Variants in NRCAM observed in about 807,000 individuals in gnomAD.
NRCAM encodes neuronal cell adhesion molecule.
Under a neutral mutation model 156.5 loss-of-function variants are expected in NRCAM, and 83 were observed. That is an observed-to-expected ratio of 0.53 (90% CI 0.44 to 0.64). The LOEUF (loss-of-function observed/expected upper bound fraction) is 0.64. Ranked by LOEUF, NRCAM falls within the 30% of genes least tolerant of loss-of-function variation. The pLI is 0.00. For synonymous variants in NRCAM, 538 were observed against 563.9 expected (o/e 0.95, Z 0.65); for missense variants, 1,417 against 1,597.3 (o/e 0.89, Z 1.92).
chr7:108,450,838 C>A (rs1849463919), intron 1 of NRCAM, among the ~76,000 whole-genome samples: 1 of 152,166 alleles, frequency 6.6e-6, no homozygotes, highest in Non-Finnish European at 1.5e-5. Context: ...AAACCATATA[C>A]CTCCATATTA....
intron 10 of NRCAM, among the ~76,000 whole-genome samples, chr7:108,224,664 A>T (rs1471257033): frequency 6.6e-6 from 1 of 152,162 alleles, no homozygotes; most frequent in Non-Finnish European, 1.5e-5. Context: ...TGATGCTTAT[A>T]AAAATTTAAT....
At chr7:108,212,925 T>A (rs1305302847) in intron 11 of NRCAM, among the ~76,000 whole-genome samples, 1 of 152,166 alleles carries the variant, frequency 6.6e-6, no homozygotes, top group Non-Finnish European at 1.5e-5. Flanking sequence ...CTCAAAAAGA[T>A]GTCCAGGCAC....
chr7:108,358,915 A>T (rs959324365), intron 2 of NRCAM, among the ~76,000 whole-genome samples: 27 of 152,192 alleles, frequency 1.8e-4, no homozygotes. Context: ...GATTGCATGA[A>T]ATTGTTTAAG....
intron 1 of NRCAM, among the ~76,000 whole-genome samples, chr7:108,452,395 C>A (rs936309662): frequency 6.9e-6 from 1 of 145,928 alleles, no homozygotes; most frequent in Non-Finnish European, 1.5e-5. Context: ...TCAATTATAT[C>A]TCATTAATGC....
intron 29 of NRCAM, among the ~76,000 whole-genome samples, chr7:108,167,820 C>G (rs553269680): frequency 6.6e-6 from 1 of 152,270 alleles, no homozygotes; most frequent in Non-Finnish European, 1.5e-5. Context: ...AATGCTCTCC[C>G]AAAGTATTAA....
At chr7:108,266,509 G>A (rs1269656) in intron 3 of NRCAM, among the ~76,000 whole-genome samples, 67,127 of 152,038 alleles carry the variant, frequency 0.44, 17,177 homozygotes, top group East Asian at 0.86. Context: ...CACTGCACAC[G>A]CATGTGTGTT....
chr7:108,202,214 T>C (rs1261168184), intron 13 of NRCAM, among the ~76,000 whole-genome samples: 1 of 152,212 alleles, frequency 6.6e-6, no homozygotes, highest in Non-Finnish European at 1.5e-5. Flanking sequence ...ACTGGGGTGA[T>C]GGCCTTCAGA....
At position 108,410,524 on chromosome 7, in the gene NRCAM, C is replaced by T. The variant is rs79663034; in HGVS notation, c.-331-10931G>A. On this transcript the variant is annotated intron_variant, in intron 1 of 32. Transcript: ENST00000379028. ...TTCAAAAACAGTTCTGATGCTTGGGCCCCAATCCCAGGGATTTAATTGGTC... is the reference window on the plus strand; with the variant it reads ...TTCAAAAACAGTTCTGATGCTTGGGTCCCAATCCCAGGGATTTAATTGGTC... Among the ~76,000 whole-genome samples the T allele has an allele frequency of 5.5e-3, 841 of 152,258 alleles. 5 individuals carry two copies. The highest frequency in any genetic ancestry group is 0.011 in the Admixed American group (169 of 15,294).
chr7:108,368,823 T>C (rs12539964), intron 2 of NRCAM, among the ~76,000 whole-genome samples: 50,697 of 151,890 alleles, frequency 0.33, 9,005 homozygotes, highest in East Asian at 0.6. Flanking sequence ...ATAAAACTGG[T>C]GGCTTTACTT....
chr7:108,352,789 A>G (rs1202056141), intron 2 of NRCAM, among the ~76,000 whole-genome samples: 4 of 152,162 alleles, frequency 2.6e-5, no homozygotes, highest in Non-Finnish European at 5.9e-5. Flanking sequence ...TGTTTGAACC[A>G]TAAAGCTAAG....
Position 108,456,359 on chromosome 7 carries a change from T to TGCGCCGTCCCCC in NRCAM, c.-460_-449dup, listed in dbSNP as rs1181183032. ...CTGGCTGCTCCAGCCAGGCGGCCCCTGCGCCGTCCCCCGCGCCCGCGCGTC... is the reference window on the plus strand; with the variant it reads ...CTGGCTGCTCCAGCCAGGCGGCCCCTGCGCCGTCCCCCGCGCCGTCCCCCGCGCCCGCGCGTC... On this transcript the variant is annotated 5_prime_UTR_variant, in exon 1 of 33. Transcript: ENST00000379028. 6.6e-5 allele frequency: 10 copies of TGCGCCGTCCCCC among 150,830 alleles called. No homozygotes were observed. The highest frequency in any genetic ancestry group is 1.3e-4 in the Non-Finnish European group (9 of 67,706). The allele number at this position is 150,830 out of a possible 1,614,324, so 9.3% of individuals were successfully genotyped here.
chr7:108,300,473 G>A (rs1249076583), intron 3 of NRCAM, among the ~76,000 whole-genome samples: 2 of 152,052 alleles, frequency 1.3e-5, no homozygotes, highest in Non-Finnish European at 2.9e-5. Flanking sequence ...AAACAGAGAA[G>A]CAAAAGAGAA....
At chr7:108,451,762 G>A (rs1850669323) in intron 1 of NRCAM, among the ~76,000 whole-genome samples, 1 of 152,128 alleles carries the variant, frequency 6.6e-6, no homozygotes, top group Admixed American at 6.5e-5. Flanking sequence ...TCATAGACTG[G>A]AAGTAGGATG....
At chr7:108,392,220 G>A (rs1030879144) in intron 2 of NRCAM, among the ~76,000 whole-genome samples, 1 of 152,280 alleles carries the variant, frequency 6.6e-6, no homozygotes, top group African/African-American at 2.4e-5. Context: ...CCAATCAGAC[G>A]TAGATTTGGT....
intron 2 of NRCAM, among the ~76,000 whole-genome samples, chr7:108,323,650 A>G (rs1255046514): frequency 6.6e-6 from 1 of 152,214 alleles, no homozygotes; most frequent in Non-Finnish European, 1.5e-5. Flanking sequence ...GGTGCTGGAG[A>G]CAGCAGTAAA....
At chr7:108,195,011 AC>A (rs1446195269) in intron 15 of NRCAM, among the ~76,000 whole-genome samples, 3 of 152,172 alleles carry the variant, frequency 2.0e-5, no homozygotes, top group African/African-American at 7.2e-5. Flanking sequence ...AGTCAGGAAG[AC>A]CTGGTGCAAC....
intron 2 of NRCAM, among the ~76,000 whole-genome samples, chr7:108,363,950 T>C (rs1016243790): frequency 2.6e-5 from 4 of 152,080 alleles, no homozygotes; most frequent in Admixed American, 6.6e-5. Flanking sequence ...GTATCCTAGA[T>C]AGGATCCTGG....
At chr7:108,290,291 G>C (rs1165705355) in intron 3 of NRCAM, among the ~76,000 whole-genome samples, 1 of 152,178 alleles carries the variant, frequency 6.6e-6, no homozygotes, top group South Asian at 2.1e-4. Flanking sequence ...GGAGGAAAAA[G>C]CAGAAAGCAA....
intron 2 of NRCAM, among the ~76,000 whole-genome samples, chr7:108,348,903 A>AG (rs1202555464): frequency 5.1e-5 from 4 of 78,670 alleles, no homozygotes; most frequent in African/African-American, 1.9e-4. Flanking sequence ...ACTCCATCTC[A>AG]GGAAAAAAAA....
Sources: allele counts gnomAD v4.1 joint callset (sites outside exome capture counted in the v4.1 genomes callset), GRCh38; gene constraint gnomAD v4.1.1; transcripts MANE v1.5; gene names NCBI Gene and HGNC (gene_info 2026-07-23, HGNC 2026-07-21).